Variants in CDH9 observed in about 807,000 individuals in gnomAD.
CDH9 encodes cadherin-9.
CDH9 carries 28 observed loss-of-function variants against 70.9 expected under a neutral mutation model. The ratio of observed to expected loss-of-function variants is 0.40; its 90% CI spans 0.29 to 0.54. CDH9 has a LOEUF of 0.54. CDH9 is among the 20% of genes least tolerant of loss of function. The pLI is 0.59. For synonymous variants in CDH9, 409 were observed against 343.1 expected, an observed-to-expected ratio of 1.19 and a Z score of -2.12; for missense variants, 874 against 984.4, an observed-to-expected ratio of 0.89 and a Z score of 1.50.
At chr5:26,924,544 T>A (rs56041070) in intron 2 of CDH9, among the ~76,000 whole-genome samples, 25,725 of 147,726 alleles carry the variant, frequency 0.17, 2,493 homozygotes, top group South Asian at 0.37. Flanking sequence ...ATATATAAAA[T>A]AAGTATTTTA....
chr5:26,916,163 A>T (rs1008395488), intron 2 of CDH9, among the ~76,000 whole-genome samples: 1 of 152,014 alleles, frequency 6.6e-6, no homozygotes, highest in African/African-American at 2.4e-5. Context: ...GAAAATTAAT[A>T]TGTATCTGTC....
intron 2 of CDH9, among the ~76,000 whole-genome samples, chr5:26,959,038 C>T (rs1741991101): frequency 6.6e-6 from 1 of 152,066 alleles, no homozygotes; most frequent in South Asian, 2.1e-4. Flanking sequence ...TATTGTACAT[C>T]AAAAGACACT....
rs374981395 is a variant in CDH9 at position 26,884,176 on chromosome 5, G to T, written c.1882+1438C>A. ...CAAGGAACAAAGGTGGCTGACTGCAGAACAGAAGAGGAAACCTTCTAGGAT... is the reference window on the plus strand; with the variant it reads ...CAAGGAACAAAGGTGGCTGACTGCATAACAGAAGAGGAAACCTTCTAGGAT... On this transcript the variant is annotated intron_variant, in intron 11 of 11. Coordinates refer to ENST00000231021, the MANE Select transcript of CDH9 (RefSeq NM_016279.4). Among the ~76,000 whole-genome samples the T allele has an allele frequency of 3.9e-5, 6 of 152,132 alleles. No homozygotes were observed. The South Asian group carries it at 8.3e-4, about 21-fold the overall frequency.
intron 2 of CDH9, among the ~76,000 whole-genome samples, chr5:26,967,420 C>G (rs149953366): frequency 6.6e-6 from 1 of 151,980 alleles, no homozygotes; most frequent in Non-Finnish European, 1.5e-5. Flanking sequence ...CTGGATTACT[C>G]CTCTGGAAAT....
chr5:27,015,901 G>A (rs1375622960), intron 1 of CDH9, among the ~76,000 whole-genome samples: 2 of 151,634 alleles, frequency 1.3e-5, no homozygotes, highest in Non-Finnish European at 2.9e-5. Context: ...ATTATTTTTA[G>A]TTGATGATTT....
chr5:26,917,433 G>C (rs1201282403), intron 2 of CDH9, among the ~76,000 whole-genome samples: 1 of 151,788 alleles, frequency 6.6e-6, no homozygotes, highest in Non-Finnish European at 1.5e-5. Context: ...AGATAAAAAT[G>C]GAGTTTTAAC....
chr5:26,905,907 A>G, intron 5 of CDH9, 52 bp downstream of exon 5: 1 of 1,321,990 alleles, frequency 7.6e-7, no homozygotes, highest in Non-Finnish European at 1.1e-6. Flanking sequence ...AAACTCGGCT[A>G]CTAGTGTATT....
chr5:26,898,101 G>A (rs1561187134), intron 7 of CDH9, among the ~76,000 whole-genome samples: 1 of 151,976 alleles, frequency 6.6e-6, no homozygotes, highest in Admixed American at 6.6e-5. Context: ...AAATACCTAG[G>A]AATAAAGCTT....
At chr5:27,033,989 T>C (rs1446859482) in intron 1 of CDH9, among the ~76,000 whole-genome samples, 4 of 151,790 alleles carry the variant, frequency 2.6e-5, no homozygotes, top group Middle Eastern at 3.4e-3. Flanking sequence ...GTATATGCTT[T>C]ATTTTTTTAT....
intron 9 of CDH9, among the ~76,000 whole-genome samples, chr5:26,886,428 T>C (rs1740568415): frequency 6.6e-6 from 1 of 152,096 alleles, no homozygotes; most frequent in Admixed American, 6.6e-5. Flanking sequence ...GTATTATTAA[T>C]TGATGAGCAA....
intron 2 of CDH9, among the ~76,000 whole-genome samples, chr5:26,916,491 A>G (rs1424573220): frequency 6.6e-6 from 1 of 151,952 alleles, no homozygotes; most frequent in Non-Finnish European, 1.5e-5. Flanking sequence ...GTTTTTTCCT[A>G]TATGTACCTT....
chr5:26,896,477 T>C (rs1024474943), intron 7 of CDH9, among the ~76,000 whole-genome samples: 1 of 151,224 alleles, frequency 6.6e-6, no homozygotes, highest in African/African-American at 2.4e-5. Flanking sequence ...TACAATAGTA[T>C]GAAATGAAAT....
chr5:26,987,091 C>CTTTTT (rs201154706), intron 2 of CDH9, among the ~76,000 whole-genome samples: 14 of 108,282 alleles, frequency 1.3e-4, no homozygotes, highest in African/African-American at 3.4e-4. Context: ...CACTTGTATT[C>CTTTTT]TTTTTTTTTT....
At chr5:26,921,580 A>T (rs1163122877) in intron 2 of CDH9, among the ~76,000 whole-genome samples, 1 of 152,150 alleles carries the variant, frequency 6.6e-6, no homozygotes, top group Non-Finnish European at 1.5e-5. Context: ...ACTTCAAGAA[A>T]ATATCTGGCA....
At chr5:26,935,699 T>A (rs974079441) in intron 2 of CDH9, among the ~76,000 whole-genome samples, 1 of 152,084 alleles carries the variant, frequency 6.6e-6, no homozygotes, top group Non-Finnish European at 1.5e-5. Flanking sequence ...AGTATGAAGA[T>A]CCCTTAAAGA....
intron 2 of CDH9, among the ~76,000 whole-genome samples, chr5:26,924,133 A>C (rs1442486201): frequency 6.6e-6 from 1 of 152,096 alleles, no homozygotes; most frequent in Non-Finnish European, 1.5e-5. Context: ...AAAGAGAAAC[A>C]AAATCAACAA....
intron 1 of CDH9, among the ~76,000 whole-genome samples, chr5:27,000,545 C>T (rs13354375): frequency 9.2e-5 from 14 of 151,944 alleles, no homozygotes; most frequent in African/African-American, 2.4e-4. Flanking sequence ...TCACAGTGAC[C>T]GAAGTTGGAA....
chr5:26,923,500 G>A (rs1257351918), intron 2 of CDH9, among the ~76,000 whole-genome samples: 1 of 151,896 alleles, frequency 6.6e-6, no homozygotes, highest in Non-Finnish European at 1.5e-5. Flanking sequence ...ACCACTGTCA[G>A]CATTGGAAAG....
At chr5:26,925,923 G>A (rs1471793896) in intron 2 of CDH9, among the ~76,000 whole-genome samples, 1 of 152,034 alleles carries the variant, frequency 6.6e-6, no homozygotes, top group Admixed American at 6.6e-5. Flanking sequence ...CATAAACTAG[G>A]TATTGATGGA....
Sources: allele counts gnomAD v4.1 joint callset (sites outside exome capture counted in the v4.1 genomes callset), GRCh38; gene constraint gnomAD v4.1.1; transcripts MANE v1.5; gene names NCBI Gene and HGNC (gene_info 2026-07-23, HGNC 2026-07-21).